GTF2E2: variants seen among roughly 807,000 people sequenced by gnomAD.
GTF2E2 encodes general transcription factor IIE subunit 2.
GTF2E2 carries 21 observed loss-of-function variants against 40.5 expected under a neutral mutation model. That is an observed-to-expected ratio of 0.52 (90% CI 0.37 to 0.75). GTF2E2 has a LOEUF of 0.75. Ranked by LOEUF, GTF2E2 falls within the 30% of genes least tolerant of loss-of-function variation. The probability of loss-of-function intolerance (pLI) is 0.00; values close to 1 mark genes in which losing one functional copy is unlikely to be tolerated. For synonymous variants in GTF2E2, 117 were observed against 121.6 expected (o/e 0.96, Z 0.25); for missense variants, 298 against 338.4 (o/e 0.88, Z 0.94).
chr8:30,656,274 A>C (rs1318572608), intron 1 of GTF2E2, among the ~76,000 whole-genome samples: 1 of 152,174 alleles, frequency 6.6e-6, no homozygotes, highest in African/African-American at 2.4e-5. Flanking sequence ...AGTCATAAAA[A>C]CGTGTTATTT....
At chr8:30,626,612 G>A (rs117217870) in intron 3 of GTF2E2, among the ~76,000 whole-genome samples, 2,069 of 152,256 alleles carry the variant, frequency 0.014, 14 homozygotes, top group Middle Eastern at 0.024. Context: ...ACAGTGCAGC[G>A]TGATGATTTC....
In GTF2E2 at chr8:30,636,448, A is replaced by G. The variant is rs907003788; in HGVS notation, c.167-1325T>C. 1.5e-4 allele frequency among the ~76,000 whole-genome samples: 23 copies of G among 152,258 alleles called. 1 individual carries two copies. The highest frequency in any genetic ancestry group is 1.4e-3 in the Admixed American group (22 of 15,284). Reference sequence around the variant, plus strand: ...CCAAAAGAACAGCTTCTAGATGGCAATACCATACTCCTTTGAGATTAGTGA... The same window carrying G: ...CCAAAAGAACAGCTTCTAGATGGCAGTACCATACTCCTTTGAGATTAGTGA... On this transcript the variant is annotated intron_variant, in intron 2 of 7. Transcript: ENST00000355904.
rs1419973237 is a variant in GTF2E2, at chr8:30,589,117, C to A, written c.644-8721G>T. ...AAATGCAAAAAAAAAATTATCCGGGCGTGGTGGCACACGCCTGTAATCACA... is the reference window on the plus strand; with the variant it reads ...AAATGCAAAAAAAAAATTATCCGGGAGTGGTGGCACACGCCTGTAATCACA... On this transcript the variant is annotated intron_variant, in intron 6 of 7. Transcript: ENST00000355904. 4.6e-5 allele frequency among the ~76,000 whole-genome samples: 7 copies of A among 151,956 alleles called. 1 individual carries two copies. The South Asian group carries it at 6.2e-4, about 14-fold the overall frequency.
At position 30,580,375 on chromosome 8, in the gene GTF2E2, C is replaced by T; in HGVS notation, c.665G>A (p.Ser222Asn). The change falls in exon 7 of 8, where the codon AGT becomes AAT. Residue 222 changes from serine (S) to asparagine (N), a missense_variant. Transcript: ENST00000355904. The stretch of plus-strand genomic sequence containing the variant: ...CTCGTCCATGGAATCTACAGTGACA[C>T]TCCTCCACAGTTTCTGAAATTCTGT... ...VDEEFQKLWR[S>N]VTVDSMDEEK... The T allele has an allele frequency of 6.3e-7, 1 of 1,583,328 alleles. No individual in the cohort carries two copies. Among genetic ancestry groups the T allele is most frequent in the Non-Finnish European group, 8.7e-7 (1 of 1,151,908 alleles).
intron 6 of GTF2E2, among the ~76,000 whole-genome samples, chr8:30,587,989 T>TA (rs373933234): frequency 6.6e-6 from 1 of 151,172 alleles, no homozygotes; most frequent in African/African-American, 2.4e-5. Flanking sequence ...GGCAGAGACT[T>TA]AAAGGAAAAA....
At chr8:30,645,355 T>C (rs1802029097) in intron 2 of GTF2E2, 1 of 1,535,716 alleles carries the variant, frequency 6.5e-7, no homozygotes, top group Non-Finnish European at 8.7e-7. Flanking sequence ...TGTTTATCAG[T>C]ACCTTGGTTT....
chr8:30,604,886 TAAGG>T (rs1829278168), intron 6 of GTF2E2, among the ~76,000 whole-genome samples: 1 of 152,038 alleles, frequency 6.6e-6, no homozygotes, highest in African/African-American at 2.4e-5. Flanking sequence ...CGGGTAATAT[TAAGG>T]AAGTATAGAT....
intron 1 of GTF2E2, 35 bp from the exon 2 acceptor site, chr8:30,653,637 T>A: frequency 4.0e-6 from 6 of 1,491,536 alleles, no homozygotes; most frequent in Non-Finnish European, 5.5e-6. Flanking sequence ...TAATACAAAT[T>A]CAAGTCACTC....
At chr8:30,646,360 C>A (rs1288997375) in intron 2 of GTF2E2, among the ~76,000 whole-genome samples, 1 of 151,578 alleles carries the variant, frequency 6.6e-6, no homozygotes, top group Admixed American at 6.6e-5. Context: ...CTCCCCCCAT[C>A]CCCCCAAAAA....
intron 6 of GTF2E2, among the ~76,000 whole-genome samples, chr8:30,605,937 A>AG (rs1298645123): frequency 2.0e-5 from 3 of 152,218 alleles, no homozygotes; most frequent in African/African-American, 7.2e-5. Context: ...CTAGGATTAG[A>AG]GGCATGAGCC....
chr8:30,617,284 T>C (rs148700314), intron 3 of GTF2E2, among the ~76,000 whole-genome samples: 151 of 152,292 alleles, frequency 9.9e-4, no homozygotes, highest in African/African-American at 3.5e-3. Flanking sequence ...GAACCATTCA[T>C]TGAGCGTTTG....
At chr8:30,602,547 G>A (rs956673788) in intron 6 of GTF2E2, among the ~76,000 whole-genome samples, 7 of 151,860 alleles carry the variant, frequency 4.6e-5, no homozygotes, top group East Asian at 1.9e-4. Context: ...ACCTGAGGTC[G>A]GGAGTCTGAG....
chr8:30,631,870 C>T (rs549849168), intron 3 of GTF2E2, among the ~76,000 whole-genome samples: 140 of 152,220 alleles, frequency 9.2e-4, no homozygotes, highest in Non-Finnish European at 1.3e-3. Flanking sequence ...CTGAGGCAGG[C>T]GGATCACTTG....
intron 6 of GTF2E2, among the ~76,000 whole-genome samples, chr8:30,587,105 T>G (rs928496825): frequency 6.6e-6 from 1 of 152,142 alleles, no homozygotes; most frequent in Non-Finnish European, 1.5e-5. Context: ...ATACATCTAA[T>G]ATGGGTTTAA....
chr8:30,614,491 T>A (rs1800854473), intron 4 of GTF2E2, 117 bp downstream of exon 4: 1 of 579,254 alleles, frequency 1.7e-6, no homozygotes. Flanking sequence ...GAGTCAGCAG[T>A]GGGCTGAGAT....
At chr8:30,593,495 C>A (rs775673217) in intron 6 of GTF2E2, among the ~76,000 whole-genome samples, 3 of 152,104 alleles carry the variant, frequency 2.0e-5, no homozygotes, top group Non-Finnish European at 2.9e-5. Context: ...CATTATGTAA[C>A]GTCCTTTTTC....
At chr8:30,583,383 CA>C (rs1374618007) in intron 6 of GTF2E2, among the ~76,000 whole-genome samples, 1 of 146,298 alleles carries the variant, frequency 6.8e-6, no homozygotes, top group East Asian at 1.9e-4. Context: ...TCCTTCAGTT[CA>C]CTGTTTGTTT....
intron 6 of GTF2E2, among the ~76,000 whole-genome samples, chr8:30,598,404 C>T (rs1256638112): frequency 6.6e-6 from 1 of 152,162 alleles, no homozygotes; most frequent in Non-Finnish European, 1.5e-5. Context: ...AAAGAACACA[C>T]AACACTATAA....
chr8:30,623,605 T>C (rs1004397017), intron 3 of GTF2E2, among the ~76,000 whole-genome samples: 1 of 152,086 alleles, frequency 6.6e-6, no homozygotes, highest in African/African-American at 2.4e-5. Flanking sequence ...ACTTCTACAA[T>C]GGTTGAACTA....
Sources: gnomAD v4.1 joint callset for allele counts (sites outside exome capture counted in the v4.1 genomes callset) on GRCh38, gnomAD v4.1.1 for gene constraint, MANE v1.5 for transcripts, NCBI Gene and HGNC (gene_info 2026-07-23, HGNC 2026-07-21) for gene names.